Variants in MRPS6 observed in about 807,000 individuals in gnomAD.
MRPS6 encodes small ribosomal subunit protein bS6m.
A neutral mutation model predicts 13.1 loss-of-function variants in MRPS6; 6 were observed. That is an observed-to-expected ratio of 0.46 (90% CI 0.25 to 0.91). MRPS6 has a LOEUF of 0.91. Ranked by LOEUF, MRPS6 falls within the 40% of genes least tolerant of loss-of-function variation. The pLI, the probability that MRPS6 is intolerant of heterozygous loss-of-function variation, is 0.18. For missense variants in MRPS6, 164 were observed against 155.6 expected, an observed-to-expected ratio of 1.05 and a Z score of -0.29; for synonymous variants, 61 against 56.5, an observed-to-expected ratio of 1.08 and a Z score of -0.36.
intron 2 of MRPS6, among the ~76,000 whole-genome samples, chr21:34,137,307 G>A (rs1409555592): frequency 6.6e-6 from 1 of 152,114 alleles, no homozygotes; most frequent in Non-Finnish European, 1.5e-5. Context: ...TCTTACCCGT[G>A]AACAAGATAT....
intron 1 of MRPS6, chr21:34,100,913 G>C (rs1979207544): frequency 1.0e-6 from 1 of 1,000,022 alleles, no homozygotes; most frequent in East Asian, 1.1e-4. Context: ...GGTCTTCCCT[G>C]TTCCTGCTTG....
At chr21:34,098,234 A>G (rs1979063083) in intron 1 of MRPS6, 1 of 999,558 alleles carries the variant, frequency 1.0e-6, no homozygotes, top group Middle Eastern at 5.2e-4. Flanking sequence ...TTACTCATAT[A>G]TTCTGCTAAT....
In MRPS6 at chr21:34,126,380, G is replaced by A. The variant is rs746991411; in HGVS notation, c.185+900G>A. Among the ~76,000 whole-genome samples the A allele has an allele frequency of 3.3e-5, 5 of 152,368 alleles. 1 individual carries two copies. Among genetic ancestry groups the A allele is most frequent in the Admixed American group, 1.3e-4 (2 of 15,306 alleles). On this transcript the variant is annotated intron_variant, in intron 2 of 2. Coordinates refer to ENST00000399312, the MANE Select transcript of MRPS6 (RefSeq NM_032476.4). ...CGTGTGATAGGGCCTGAGTGGAGTCGCGTCTCACATCGAGGCTTTCTTACT... is the reference window on the plus strand; with the variant it reads ...CGTGTGATAGGGCCTGAGTGGAGTCACGTCTCACATCGAGGCTTTCTTACT...
At chr21:34,135,590 A>G (rs922746252) in intron 2 of MRPS6, 24 of 422,960 alleles carry the variant, frequency 5.7e-5, no homozygotes, top group Middle Eastern at 1.6e-3. Flanking sequence ...GTGCACAGCA[A>G]CCAGGTGGTC....
chr21:34,135,529 A>G (rs1210930085), intron 2 of MRPS6: 3 of 503,886 alleles, frequency 6.0e-6, no homozygotes, highest in Admixed American at 4.2e-5. Flanking sequence ...CTCATCTGCC[A>G]GGCACTCAGC....
intron 1 of MRPS6, among the ~76,000 whole-genome samples, chr21:34,121,943 C>A (rs2834381): frequency 0.19 from 28,906 of 152,096 alleles, 5,395 homozygotes; most frequent in African/African-American, 0.49. Flanking sequence ...TTGAACAGCT[C>A]AACTGATGGT....
intron 1 of MRPS6, among the ~76,000 whole-genome samples, chr21:34,092,811 T>C (rs551537819): frequency 2.0e-5 from 3 of 152,252 alleles, no homozygotes; most frequent in East Asian, 3.9e-4. Context: ...TGTGTTTTTC[T>C]CTCCCTTCTT....
At chr21:34,134,528 C>T (rs1040039471) in intron 2 of MRPS6, among the ~76,000 whole-genome samples, 1 of 152,138 alleles carries the variant, frequency 6.6e-6, no homozygotes, top group Admixed American at 6.5e-5. Flanking sequence ...TAATAAACTG[C>T]ATATATTTAA....
At chr21:34,133,272 A>G (rs1281732587) in intron 2 of MRPS6, among the ~76,000 whole-genome samples, 1 of 152,156 alleles carries the variant, frequency 6.6e-6, no homozygotes, top group Non-Finnish European at 1.5e-5. Context: ...TACCCTTATC[A>G]CATCATAGAA....
chr21:34,124,150 A>G (rs1370445819), intron 1 of MRPS6: 1 of 152,156 alleles, frequency 6.6e-6, no homozygotes, highest in African/African-American at 2.4e-5. Flanking sequence ...TAAGATTTAC[A>G]TCTGGAGAGG....
At chr21:34,116,926 T>C (rs1979939781) in intron 1 of MRPS6, among the ~76,000 whole-genome samples, 1 of 152,202 alleles carries the variant, frequency 6.6e-6, no homozygotes, top group Non-Finnish European at 1.5e-5. Context: ...CTCAGGGTTA[T>C]AGAACAGCTG....
At chr21:34,092,150 A>T (rs1461474897) in intron 1 of MRPS6, among the ~76,000 whole-genome samples, 2 of 152,074 alleles carry the variant, frequency 1.3e-5, no homozygotes, top group Admixed American at 6.5e-5. Flanking sequence ...AACATACTGT[A>T]TATTCAGAAC....
chr21:34,091,146 T>A (rs1978662946), intron 1 of MRPS6, among the ~76,000 whole-genome samples: 1 of 152,192 alleles, frequency 6.6e-6, no homozygotes, highest in Non-Finnish European at 1.5e-5. Flanking sequence ...ATTGACAGAG[T>A]GCTGGACTAG....
At chr21:34,118,489 A>G (rs1319310743) in intron 1 of MRPS6, among the ~76,000 whole-genome samples, 2 of 149,082 alleles carry the variant, frequency 1.3e-5, no homozygotes, top group East Asian at 3.9e-4. Context: ...TTCCCCTCCC[A>G]TTTACCTACT....
intron 1 of MRPS6, chr21:34,104,991 T>C (rs1979411896): frequency 1.0e-6 from 1 of 1,000,008 alleles, no homozygotes; most frequent in Non-Finnish European, 1.2e-6. Flanking sequence ...ATTAGAGTTT[T>C]CTAATTTCAC....
intron 1 of MRPS6, among the ~76,000 whole-genome samples, chr21:34,075,038 C>T (rs571654219): frequency 1.3e-5 from 2 of 152,344 alleles, no homozygotes; most frequent in African/African-American, 4.8e-5. Context: ...TTGAATATCC[C>T]TTTTGGCCCT....
chr21:34,115,270 A>G (rs1979857857), intron 1 of MRPS6, among the ~76,000 whole-genome samples: 1 of 152,126 alleles, frequency 6.6e-6, no homozygotes, highest in African/African-American at 2.4e-5. Context: ...CACATTGCCC[A>G]AAGAGTACTT....
intron 1 of MRPS6, chr21:34,101,290 A>G (rs1979226485): frequency 6.0e-6 from 6 of 1,000,112 alleles, no homozygotes; most frequent in Middle Eastern, 5.2e-4. Context: ...ACTCCTCCCC[A>G]TATAAATCAG....
chr21:34,080,277 A>G (rs902940965), intron 1 of MRPS6, among the ~76,000 whole-genome samples: 2 of 152,198 alleles, frequency 1.3e-5, no homozygotes, highest in Non-Finnish European at 2.9e-5. Flanking sequence ...ATTACTGCAT[A>G]CTTCTCATTT....
Sources: gnomAD v4.1 joint callset for allele counts (sites outside exome capture counted in the v4.1 genomes callset) on GRCh38, gnomAD v4.1.1 for gene constraint, MANE v1.5 for transcripts, NCBI Gene and HGNC (gene_info 2026-07-23, HGNC 2026-07-21) for gene names.